The following SPTA1 variants were observed in gnomAD, a reference collection of about 807,000 sequenced individuals.
The protein encoded by SPTA1 is spectrin alpha, erythrocytic 1.
SPTA1 carries 177 observed loss-of-function variants against 324.7 expected under a neutral mutation model. That is an observed-to-expected ratio of 0.55 (90% CI 0.48 to 0.62). The LOEUF (loss-of-function observed/expected upper bound fraction) is 0.62, where lower values mean the gene tolerates loss of function less well. Among genes scored for constraint, SPTA1 ranks in the 20% least tolerant of loss-of-function variants. The pLI is 0.00. For synonymous variants in SPTA1, 1,195 were observed against 1,041.3 expected (o/e 1.15, Z -2.84); for missense variants, 3,162 against 2,883.6 (o/e 1.10, Z -2.21).
rs1046216172 is a variant in SPTA1 at position 158,668,187 on chromosome 1, G to T, written c.1834-125C>A. 3 of 1,085,140 alleles carry T rather than the reference G, an allele frequency of 2.8e-6. No individual in the cohort carries two copies. The East Asian group carries it at 7.2e-5, about 26-fold the overall frequency. The allele number at this position is 1,085,140 out of a possible 1,614,324, so 67.2% of individuals were successfully genotyped here. A position where few individuals can be genotyped will look rare whatever the true frequency, so the allele number is the denominator to read the frequency against. ...CGATGCTAACAAGAAGATAAAAGGGGGAAGTTTCCTAGTCCAACGTTTGAG... is the reference window on the plus strand; with the variant it reads ...CGATGCTAACAAGAAGATAAAAGGGTGAAGTTTCCTAGTCCAACGTTTGAG... On this transcript the variant is annotated intron_variant, in intron 14 of 51. Transcript: ENST00000643759.
In SPTA1 at chr1:158,642,496, C is replaced by G. The variant is rs769900665; in HGVS notation, c.4652G>C (p.Arg1551Pro). 1 of 1,613,610 alleles carries G rather than the reference C, an allele frequency of 6.2e-7. No individual in the cohort carries two copies. The highest frequency in any genetic ancestry group is 1.1e-5 in the South Asian group (1 of 91,070). The change falls in exon 33 of 52, where the codon CGA becomes CCA. Residue 1551 changes from arginine to proline, a missense_variant. Physicochemically the swap from Arg to Pro is moderately radical, Grantham distance 103. Transcript: ENST00000643759. Reference sequence around the variant, plus strand: ...GATGACGCCATGCACCTGCTCAGATCGGCCATCGACTTCATGTGCAAAGGT... The same window carrying G: ...GATGACGCCATGCACCTGCTCAGATGGGCCATCGACTTCATGTGCAAAGGT... ...HQTFAHEVDGRSEQVHGVINL... is the reference protein window; with the variant it reads ...HQTFAHEVDGPSEQVHGVINL...
intron 43 of SPTA1, chr1:158,622,601 G>T (rs1649986484): frequency 3.9e-6 from 1 of 253,760 alleles, no homozygotes; most frequent in Non-Finnish European, 7.7e-6. Flanking sequence ...TTGATATAAG[G>T]TGAGAACATG....
At chr1:158,645,136 A>G in intron 29 of SPTA1, 52 bp downstream of exon 29, 2 of 1,594,830 alleles carry the variant, frequency 1.3e-6, no homozygotes, top group South Asian at 1.1e-5. Flanking sequence ...ATGAAATTGC[A>G]TAGGAGAAAC....
intron 31 of SPTA1, 106 bp from the exon 32 acceptor site, chr1:158,643,082 C>T (rs1031201888): frequency 3.4e-6 from 5 of 1,468,480 alleles, no homozygotes; most frequent in Non-Finnish European, 4.7e-6. Flanking sequence ...TTTCTTCTCA[C>T]ATAGTCTTAT....
rs779880107 is a variant in SPTA1, at chr1:158,666,422, T to C, written c.2114A>G (p.Asp705Gly). The part of the protein sequence containing the change: ...NAEDLQRWLE[D>G]VEWQVTSEDY... ...CTCAGAGGTGACTTGCCACTCAACATCCTCCAGCCAGCGCTGCAAATCTTC... is the reference window on the plus strand; with the variant it reads ...CTCAGAGGTGACTTGCCACTCAACACCCTCCAGCCAGCGCTGCAAATCTTC... Residue 705 changes from aspartate to glycine, a missense_variant, in exon 16 of 52, where the codon GAT becomes GGT. Physicochemically the swap from Asp to Gly is moderately conservative, Grantham distance 94 (BLOSUM62 -1). Coordinates refer to ENST00000643759, the MANE Select transcript of SPTA1 (RefSeq NM_003126.4). 1 of 1,613,604 alleles carries C rather than the reference T, an allele frequency of 6.2e-7. No homozygotes were observed. Among genetic ancestry groups the C allele is most frequent in the Non-Finnish European group, 8.5e-7 (1 of 1,179,950 alleles).
At chr1:158,670,333 T>C (rs536601543) in intron 12 of SPTA1, among the ~76,000 whole-genome samples, 2 of 152,282 alleles carry the variant, frequency 1.3e-5, no homozygotes, top group South Asian at 2.1e-4. Flanking sequence ...AATTAATTGA[T>C]TGGAATAAGA....
At chr1:158,613,596 T>C (rs1276405954) in intron 50 of SPTA1, 125 bp downstream of exon 50, 1 of 1,374,022 alleles carries the variant, frequency 7.3e-7, no homozygotes, top group Non-Finnish European at 1.0e-6. Flanking sequence ...AATTCATTTA[T>C]GGTTGCCTAT....
intron 20 of SPTA1, 61 bp downstream of exon 20, chr1:158,656,503 G>A: frequency 6.8e-7 from 1 of 1,473,080 alleles, no homozygotes; most frequent in South Asian, 1.1e-5. Context: ...CAGCAATAAA[G>A]ACAATTTCTT....
At chr1:158,613,349 C>T (rs987232983) in intron 50 of SPTA1, among the ~76,000 whole-genome samples, 10 of 152,066 alleles carry the variant, frequency 6.6e-5, no homozygotes, top group Admixed American at 2.6e-4. Context: ...GATTCTAACA[C>T]ACTCCCATAA....
rs2101829810 is a variant in SPTA1, at chr1:158,642,897, C to T, written c.4522G>A (p.Asp1508Asn). The T allele has an allele frequency of 1.2e-6, 2 of 1,613,888 alleles. No homozygotes were observed. The highest frequency in any genetic ancestry group is 1.3e-5 in the African/African-American group (1 of 75,006). The change falls in exon 32 of 52, where the codon GAC becomes AAC. Residue 1508 changes from aspartate to asparagine, a missense_variant. Asp to Asn is a conservative substitution (Grantham distance 23). Coordinates refer to ENST00000643759, the MANE Select transcript of SPTA1 (RefSeq NM_003126.4). ...DYANLKQFYR[D>N]LEELEEWISE... ...ATCCATTCTTCCAGCTCCTCAAGGTCTCGGTAGAATTGTTTTAGGTTGGCA... is the reference window on the plus strand; with the variant it reads ...ATCCATTCTTCCAGCTCCTCAAGGTTTCGGTAGAATTGTTTTAGGTTGGCA...
At chr1:158,644,701 T>C (rs961854719) in intron 29 of SPTA1, among the ~76,000 whole-genome samples, 2 of 152,206 alleles carry the variant, frequency 1.3e-5, no homozygotes, top group Non-Finnish European at 2.9e-5. Flanking sequence ...GGGTAGCCTG[T>C]GACACAACCA....
At chr1:158,614,074 G>T (rs905604935) in intron 49 of SPTA1, among the ~76,000 whole-genome samples, 179 bp downstream of exon 49, 1 of 152,078 alleles carries the variant, frequency 6.6e-6, no homozygotes, top group African/African-American at 2.4e-5. Flanking sequence ...TGAGAATGAA[G>T]AAATGTATTT....
chr1:158,676,372 T>C (rs968474096), intron 7 of SPTA1, 77 bp from the exon 8 acceptor site: 6 of 1,442,808 alleles, frequency 4.2e-6, no homozygotes, highest in Admixed American at 1.7e-5. Context: ...GGGAGAGGTA[T>C]AAAAAATCAT....
chr1:158,650,590 T>A (rs1336867654), intron 24 of SPTA1, among the ~76,000 whole-genome samples: 1 of 152,242 alleles, frequency 6.6e-6, no homozygotes, highest in Non-Finnish European at 1.5e-5. Context: ...TTGATCAGAA[T>A]CTGTGTCTTC....
intron 33 of SPTA1, among the ~76,000 whole-genome samples, chr1:158,640,951 C>A (rs1651514225): frequency 6.6e-6 from 1 of 152,056 alleles, no homozygotes; most frequent in South Asian, 2.1e-4. Flanking sequence ...GTACTGGTAC[C>A]AAAACAGAGA....
intron 27 of SPTA1, among the ~76,000 whole-genome samples, chr1:158,646,654 A>T (rs1386863057): frequency 6.6e-6 from 1 of 152,196 alleles, no homozygotes; most frequent in Non-Finnish European, 1.5e-5. Context: ...GGAAGGAAGC[A>T]CCATTGGAAT....
At position 158,634,527 on chromosome 1, in the gene SPTA1, T is replaced by A. The variant is rs1378703983; in HGVS notation, c.5565+16A>T. ...ATTGAAGAGAAGAAAATTGATTCAT[T>A]CTTCCTGTTCCTCACCTGAGTAGCA... On this transcript the variant is annotated intron_variant, in intron 39 of 51. Coordinates refer to ENST00000643759, the MANE Select transcript of SPTA1 (RefSeq NM_003126.4). The A allele has an allele frequency of 2.5e-6, 4 of 1,613,524 alleles. No homozygotes were observed. The highest frequency in any genetic ancestry group is 3.4e-6 in the Non-Finnish European group (4 of 1,180,016).
chr1:158,648,290 C>A (rs1652147156), intron 26 of SPTA1, among the ~76,000 whole-genome samples: 1 of 152,160 alleles, frequency 6.6e-6, no homozygotes, highest in Non-Finnish European at 1.5e-5. Flanking sequence ...CTCACTCAGA[C>A]AGCAGGAGTT....
At chr1:158,673,880 T>A (rs1319981412) in intron 10 of SPTA1, among the ~76,000 whole-genome samples, 1 of 152,196 alleles carries the variant, frequency 6.6e-6, no homozygotes. Context: ...ATCTGTAGGT[T>A]CCACACCTGT....
Sources: gnomAD v4.1 joint callset for allele counts (sites outside exome capture counted in the v4.1 genomes callset) on GRCh38, gnomAD v4.1.1 for gene constraint, MANE v1.5 for transcripts, NCBI Gene and HGNC (gene_info 2026-07-23, HGNC 2026-07-21) for gene names.